BTBD9: variants seen among roughly 807,000 people sequenced by gnomAD.
BTBD9 encodes BTB/POZ domain-containing protein 9.
In BTBD9, 49 loss-of-function variants were observed where a neutral mutation model predicts 64.3. The observed-to-expected ratio is 0.76, with a 90% confidence interval of 0.61 to 0.97. BTBD9 has a LOEUF of 0.97. Ranked by LOEUF, BTBD9 falls within the 50% of genes least tolerant of loss-of-function variation. BTBD9 has a pLI of 0.00. For synonymous variants in BTBD9, 260 were observed against 274.7 expected, an observed-to-expected ratio of 0.95 and a Z score of 0.53; for missense variants, 598 against 762.1, an observed-to-expected ratio of 0.78 and a Z score of 2.53.
At chr6:38,518,738 C>T (rs984880046) in intron 6 of BTBD9, among the ~76,000 whole-genome samples, 3 of 152,140 alleles carry the variant, frequency 2.0e-5, no homozygotes, top group African/African-American at 7.2e-5. Context: ...ACAGTTTCCT[C>T]TTATTTGTAG....
intron 6 of BTBD9, among the ~76,000 whole-genome samples, chr6:38,563,733 T>G (rs913710414): frequency 8.3e-4 from 126 of 151,548 alleles, no homozygotes; most frequent in African/African-American, 2.9e-3. Flanking sequence ...TTTCCCTACC[T>G]GTCTCTGCTC....
chr6:38,200,053 G>A (rs1762405475), intron 9 of BTBD9, among the ~76,000 whole-genome samples: 1 of 152,206 alleles, frequency 6.6e-6, no homozygotes. Context: ...AGCATGGCCT[G>A]CTGTCCTCAG....
At chr6:38,453,072 T>A (rs905386241) in intron 6 of BTBD9, among the ~76,000 whole-genome samples, 2 of 152,170 alleles carry the variant, frequency 1.3e-5, no homozygotes, top group African/African-American at 2.4e-5. Context: ...AGAAAGCGTA[T>A]AACAGATCCT....
intron 6 of BTBD9, among the ~76,000 whole-genome samples, chr6:38,405,231 G>C (rs1438365399): frequency 6.6e-6 from 1 of 152,068 alleles, no homozygotes; most frequent in Non-Finnish European, 1.5e-5. Context: ...GGGCAGGTCT[G>C]TGACTACATG....
intron 6 of BTBD9, among the ~76,000 whole-genome samples, chr6:38,392,921 C>T (rs1298708364): frequency 5.0e-5 from 7 of 140,656 alleles, no homozygotes; most frequent in African/African-American, 1.9e-4. Context: ...ATCGCTCAGG[C>T]TAGAGTGCAG....
intron 6 of BTBD9, among the ~76,000 whole-genome samples, chr6:38,436,590 G>A (rs1352123751): frequency 6.6e-6 from 1 of 151,804 alleles, no homozygotes; most frequent in Non-Finnish European, 1.5e-5. Flanking sequence ...TGGTCAGGCT[G>A]GTCTCAAATT....
chr6:38,174,821 G>C lies in BTBD9; in HGVS notation c.*164C>G, dbSNP rs1013392180. 8.7e-6 allele frequency: 7 copies of C among 801,956 alleles called. No homozygotes were observed. Among genetic ancestry groups the C allele is most frequent in the African/African-American group, 5.1e-5 (3 of 58,278 alleles). 49.7% of individuals were successfully genotyped at this position (801,956 alleles called of 1,614,324 possible). ...GAGAAGAACAAAGCAGCCCCTTTCT[G>C]TCCTTGGGAGAAAACCTGTTCGGTG... On this transcript the variant is annotated 3_prime_UTR_variant, in exon 11 of 11. Coordinates refer to ENST00000481247, the MANE Select transcript of BTBD9 (RefSeq NM_001099272.2).
chr6:38,588,069 A>G, intron 4 of BTBD9: 1 of 728,716 alleles, frequency 1.4e-6, no homozygotes, highest in Non-Finnish European at 2.5e-6. Flanking sequence ...CAGCTGTATC[A>G]ATAGTACCAG....
chr6:38,474,891 T>C (rs1238965553), intron 6 of BTBD9, among the ~76,000 whole-genome samples: 1 of 152,166 alleles, frequency 6.6e-6, no homozygotes, highest in Non-Finnish European at 1.5e-5. Flanking sequence ...AAGTATACTT[T>C]TAAAAAATCT....
At chr6:38,627,867 G>A (rs1778224410) in intron 1 of BTBD9, among the ~76,000 whole-genome samples, 1 of 152,104 alleles carries the variant, frequency 6.6e-6, no homozygotes, top group Admixed American at 6.6e-5. Context: ...TGACAGGAGT[G>A]AGACTCATGC....
intron 7 of BTBD9, among the ~76,000 whole-genome samples, chr6:38,320,314 T>C (rs183294304): frequency 1.3e-5 from 2 of 152,202 alleles, no homozygotes. Flanking sequence ...GGGGGGAGGA[T>C]GACCAGTGGA....
At chr6:38,628,260 C>G (rs1238436620) in intron 1 of BTBD9, among the ~76,000 whole-genome samples, 1 of 152,074 alleles carries the variant, frequency 6.6e-6, no homozygotes, top group Non-Finnish European at 1.5e-5. Context: ...ATCAAATGAA[C>G]CAAACTGTAG....
intron 6 of BTBD9, among the ~76,000 whole-genome samples, chr6:38,364,608 G>T (rs1765114704): frequency 6.6e-6 from 1 of 152,152 alleles, no homozygotes; most frequent in Non-Finnish European, 1.5e-5. Flanking sequence ...GCCTGACCTT[G>T]GCAGCTAAGG....
chr6:38,297,905 A>G (rs1762220388), intron 7 of BTBD9, among the ~76,000 whole-genome samples: 1 of 145,878 alleles, frequency 6.9e-6, no homozygotes, highest in African/African-American at 2.6e-5. Flanking sequence ...CAGTGGTGCT[A>G]TCTCGGCTCA....
Position 38,447,221 on chromosome 6 carries a change from GT to G in BTBD9, c.1155-102129del, listed in dbSNP as rs1253282803. 2.0e-5 allele frequency among the ~76,000 whole-genome samples: 3 copies of G among 152,112 alleles called. No individual in the cohort carries two copies. The East Asian group carries it at 5.8e-4, about 29-fold the overall frequency. On this transcript the variant is annotated intron_variant, in intron 6 of 10. Coordinates refer to ENST00000481247, the MANE Select transcript of BTBD9 (RefSeq NM_001099272.2). ...GTGAAGACTCAAAAAAATCCTGCTG[GT>G]TTGTCAGCATGGAAACATGCATGGC...
Position 38,345,076 on chromosome 6 carries a change from C to T in BTBD9, c.1172G>A (p.Gly391Glu). The change falls in exon 7 of 11, where the codon GGG becomes GAG. Residue 391 changes from glycine (G) to glutamate (E), a missense_variant. Transcript: ENST00000481247. ...AATCTTGTTCACTGTGTTGTGAGTCCCAACAATTCGAATATACCTGACGGT... is the reference window on the plus strand; with the variant it reads ...AATCTTGTTCACTGTGTTGTGAGTCTCAACAATTCGAATATACCTGACGGT... ...ARVCRYIRIVGTHNTVNKIFH... is the reference protein window; with the variant it reads ...ARVCRYIRIVETHNTVNKIFH... The T allele has an allele frequency of 6.2e-7, 1 of 1,603,268 alleles. No individual in the cohort carries two copies. The highest frequency in any genetic ancestry group is 1.1e-5 in the South Asian group (1 of 89,940).
intron 6 of BTBD9, among the ~76,000 whole-genome samples, chr6:38,464,999 T>C (rs1302451517): frequency 6.6e-6 from 1 of 152,198 alleles, no homozygotes; most frequent in Non-Finnish European, 1.5e-5. Context: ...GGAAAATCTT[T>C]TAGCTTTAAA....
intron 7 of BTBD9, among the ~76,000 whole-genome samples, chr6:38,330,063 GTTTTA>G (rs1178585064): frequency 3.3e-5 from 4 of 121,916 alleles, no homozygotes; most frequent in Non-Finnish European, 7.3e-5. Context: ...CTTTTTTTTT[GTTTTA>G]TTTTGAGACA....
chr6:38,178,776 C>T (rs1761400716), intron 10 of BTBD9, among the ~76,000 whole-genome samples: 1 of 151,970 alleles, frequency 6.6e-6, no homozygotes, highest in Non-Finnish European at 1.5e-5. Flanking sequence ...GAGGCCACAC[C>T]CAATGGGACA....
Sources: gnomAD v4.1 joint callset for allele counts (sites outside exome capture counted in the v4.1 genomes callset) on GRCh38, gnomAD v4.1.1 for gene constraint, MANE v1.5 for transcripts, NCBI Gene and HGNC (gene_info 2026-07-23, HGNC 2026-07-21) for gene names.